AGMO: variants seen among roughly 807,000 people sequenced by gnomAD.
The protein encoded by AGMO is alkylglycerol monooxygenase, also known as glyceryl-ether monooxygenase.
Under a neutral mutation model 60.2 loss-of-function variants are expected in AGMO, and 75 were observed. That is an observed-to-expected ratio of 1.25 (90% confidence interval 1.03 to 1.51). The LOEUF is 1.51. Ranked by LOEUF, AGMO falls within the 40% of genes most tolerant of loss-of-function variation. AGMO has a pLI of 0.00. For missense variants in AGMO, 763 were observed against 525.5 expected, an observed-to-expected ratio of 1.45 and a Z score of -4.42; for synonymous variants, 261 against 177.1, an observed-to-expected ratio of 1.47 and a Z score of -3.76.
intron 12 of AGMO, among the ~76,000 whole-genome samples, chr7:15,233,009 G>A (rs527334356): frequency 6.6e-6 from 1 of 152,070 alleles, no homozygotes; most frequent in Non-Finnish European, 1.5e-5. Flanking sequence ...TAAAATGATT[G>A]CATAGATGGA....
rs1194173913 is a variant in AGMO at position 15,431,130 on chromosome 7, A to G, written c.410-22T>C. 3 of 1,544,604 alleles carry G rather than the reference A, an allele frequency of 1.9e-6. No homozygotes were observed. The Admixed American group carries it at 5.0e-5, about 26-fold the overall frequency. ...ACTTCTGCAAAACACATAATTTGCA[A>G]TGAGCCATGAGAATAAGAACAAAGC... On this transcript the variant is annotated intron_variant, in intron 3 of 12. Transcript: ENST00000342526.
At position 15,482,042 on chromosome 7, in the gene AGMO, T is replaced by A. The variant is rs1782768097; in HGVS notation, c.410-50934A>T. Among the ~76,000 whole-genome samples, 4 of 152,018 alleles carry A rather than the reference T, an allele frequency of 2.6e-5. No homozygotes were observed. In the South Asian group the frequency reaches 8.3e-4, roughly 32 times the overall value. On this transcript the variant is annotated intron_variant, in intron 3 of 12. Coordinates refer to ENST00000342526, the MANE Select transcript of AGMO (RefSeq NM_001004320.2). ...ATAAAGCTGTTCTCTGAGGGTCATT[T>A]GTACTTTTAACACACATATTAGTGG...
chr7:15,348,803 G>T (rs1782126980), intron 12 of AGMO, among the ~76,000 whole-genome samples: 1 of 151,980 alleles, frequency 6.6e-6, no homozygotes, highest in Admixed American at 6.6e-5. Context: ...AACAGTAAAT[G>T]AAAATCACAT....
chr7:15,460,912 G>A (rs982052026), intron 3 of AGMO, among the ~76,000 whole-genome samples: 1 of 152,124 alleles, frequency 6.6e-6, no homozygotes, highest in Non-Finnish European at 1.5e-5. Flanking sequence ...AATTATGATA[G>A]TTATATGATT....
chr7:15,288,905 T>C (rs1784179644), intron 12 of AGMO, among the ~76,000 whole-genome samples: 1 of 151,792 alleles, frequency 6.6e-6, no homozygotes, highest in Non-Finnish European at 1.5e-5. Context: ...TCCGTAAGTT[T>C]TGGCAAACAT....
intron 12 of AGMO, among the ~76,000 whole-genome samples, chr7:15,225,425 T>G (rs1782050110): frequency 6.6e-6 from 1 of 151,910 alleles, no homozygotes; most frequent in Admixed American, 6.6e-5. Flanking sequence ...TCTCAATATG[T>G]TTTGCTCCAA....
chr7:15,366,330 C>A, intron 10 of AGMO, 108 bp from the exon 11 acceptor site: 1 of 668,154 alleles, frequency 1.5e-6, no homozygotes, highest in Non-Finnish European at 2.5e-6. Flanking sequence ...TGTTGCACCA[C>A]TTGTCATTGA....
intron 12 of AGMO, among the ~76,000 whole-genome samples, chr7:15,342,437 G>A (rs1781885489): frequency 6.6e-6 from 1 of 151,714 alleles, no homozygotes; most frequent in South Asian, 2.1e-4. Flanking sequence ...TTAAAATCCG[G>A]TGCTAATGAC....
chr7:15,342,779 C>CCA (rs1554419086), intron 12 of AGMO, among the ~76,000 whole-genome samples: 2 of 61,656 alleles, frequency 3.2e-5, no homozygotes, highest in African/African-American at 1.5e-4. Flanking sequence ...AGTATAGCTG[C>CCA]AAAAAAAAAA....
intron 12 of AGMO, among the ~76,000 whole-genome samples, chr7:15,295,639 G>C (rs756519610): frequency 5.2e-4 from 79 of 152,116 alleles, no homozygotes; most frequent in Non-Finnish European, 9.4e-4. Flanking sequence ...TGAAAATAAT[G>C]AAAGTTAATG....
At chr7:15,356,018 A>C (rs953162788) in intron 12 of AGMO, among the ~76,000 whole-genome samples, 4 of 152,206 alleles carry the variant, frequency 2.6e-5, no homozygotes, top group Non-Finnish European at 4.4e-5. Context: ...AGTAATTAGA[A>C]ATACAATCAG....
intron 12 of AGMO, among the ~76,000 whole-genome samples, chr7:15,219,463 AAAC>A (rs755200759): frequency 6.6e-6 from 1 of 152,248 alleles, no homozygotes; most frequent in Non-Finnish European, 1.5e-5. Context: ...TTGGGGCCAG[AAAC>A]AACAATCCAG....
intron 3 of AGMO, among the ~76,000 whole-genome samples, chr7:15,499,928 C>T (rs1156676691): frequency 6.5e-5 from 7 of 108,050 alleles, no homozygotes; most frequent in Non-Finnish European, 1.2e-4. Context: ...CACACACACA[C>T]ACACATATAT....
At chr7:15,155,173 C>T in the AGMO span, among the ~76,000 whole-genome samples, 5 of 152,210 alleles carry the variant, frequency 3.3e-5, no homozygotes, top group African/African-American at 9.6e-5. Context: ...TTTTCATGGA[C>T]AGTATCCTCA....
Position 15,230,736 on chromosome 7 carries a change from G to A in AGMO, c.1264-29377C>T, listed in dbSNP as rs186959056. Among the ~76,000 whole-genome samples the A allele has an allele frequency of 4.4e-3, 674 of 151,924 alleles. 4 individuals are homozygous for A. Among genetic ancestry groups the A allele is most frequent in the South Asian group, 0.015 (71 of 4,812 alleles). ...AAGACACTTTTCCCCACTCTGACTC[G>A]GTCCACAGTACTTCTCACTCCTCGC... On this transcript the variant is annotated intron_variant, in intron 12 of 12. Coordinates refer to ENST00000342526, the MANE Select transcript of AGMO (RefSeq NM_001004320.2).
chr7:15,342,783 A>AG, intron 12 of AGMO, among the ~76,000 whole-genome samples: 1 of 140,250 alleles, frequency 7.1e-6, no homozygotes, highest in African/African-American at 2.8e-5. Flanking sequence ...TAGCTGCAAA[A>AG]AAAAAAAAAA....
chr7:15,424,003 T>C (rs530193740), intron 4 of AGMO, among the ~76,000 whole-genome samples: 2 of 152,176 alleles, frequency 1.3e-5, no homozygotes, highest in South Asian at 4.1e-4. Flanking sequence ...TAAAATGTAT[T>C]ATATTTTTCT....
At chr7:15,277,617 T>C (rs1007601289) in intron 12 of AGMO, among the ~76,000 whole-genome samples, 2 of 152,188 alleles carry the variant, frequency 1.3e-5, no homozygotes, top group Non-Finnish European at 2.9e-5. Context: ...GCTTTGTTCC[T>C]TTAGCCCTGT....
At chr7:15,327,745 T>C (rs1011146786) in intron 12 of AGMO, among the ~76,000 whole-genome samples, 346 of 14,802 alleles carry the variant, frequency 0.023, no homozygotes, top group African/African-American at 0.074. Flanking sequence ...TCTTTCTTTT[T>C]TTTTTTTTTT....
Sources: allele counts gnomAD v4.1 joint callset (sites outside exome capture counted in the v4.1 genomes callset), GRCh38; gene constraint gnomAD v4.1.1; transcripts MANE v1.5; gene names NCBI Gene and HGNC (gene_info 2026-07-23, HGNC 2026-07-21).